The following CCDC3 variants were observed in gnomAD, a reference collection of about 807,000 sequenced individuals.
The protein encoded by CCDC3 is coiled-coil domain containing 3, also known as coiled-coil domain-containing protein 3.
A neutral mutation model predicts 21.4 loss-of-function variants in CCDC3; 24 were observed. The observed-to-expected ratio is 1.12, with a 90% CI of 0.81 to 1.58. The LOEUF (loss-of-function observed/expected upper bound fraction) is 1.58. Among genes scored for constraint, CCDC3 ranks in the 40% most tolerant of loss-of-function variants. CCDC3 has a pLI of 0.00. For synonymous variants in CCDC3, 186 were observed against 166.0 expected (o/e 1.12, Z -0.93); for missense variants, 425 against 360.9 (o/e 1.18, Z -1.44).
chr10:13,042,827 C>T (rs1435644600), intron 5 of CCDC3, among the ~76,000 whole-genome samples: 12 of 147,520 alleles, frequency 8.1e-5, no homozygotes, highest in Non-Finnish European at 1.0e-4. Flanking sequence ...GAGAATGGCG[C>T]GAACCTGGGA....
chr10:13,025,336 G>A (rs1021078175), intron 5 of CCDC3, among the ~76,000 whole-genome samples: 1 of 152,170 alleles, frequency 6.6e-6, no homozygotes, highest in African/African-American at 2.4e-5. Context: ...TAAAGTGCAG[G>A]GACCTATCAA....
intron 5 of CCDC3, among the ~76,000 whole-genome samples, chr10:13,048,339 G>C (rs565173): frequency 2.0e-5 from 3 of 151,738 alleles, no homozygotes; most frequent in East Asian, 1.9e-4. Flanking sequence ...CTACAGGTGC[G>C]CACCACCACA....
intron 2 of CCDC3, among the ~76,000 whole-genome samples, chr10:12,978,341 G>A (rs892685922): frequency 2.6e-5 from 4 of 152,206 alleles, no homozygotes; most frequent in African/African-American, 4.8e-5. Flanking sequence ...CTCTTGAAGC[G>A]CCTGTTCCAA....
chr10:12,957,550 C>T (rs1370428836), intron 2 of CCDC3, among the ~76,000 whole-genome samples: 4 of 152,288 alleles, frequency 2.6e-5, no homozygotes, highest in Non-Finnish European at 5.9e-5. Context: ...GAGGTGAGAG[C>T]GGATGGGAGG....
At chr10:12,921,428 C>G (rs1293684910) in intron 2 of CCDC3, among the ~76,000 whole-genome samples, 1 of 152,172 alleles carries the variant, frequency 6.6e-6, no homozygotes, top group African/African-American at 2.4e-5. Context: ...ACCCCCTCCC[C>G]GACTCGTCCC....
At chr10:13,005,868 T>C (rs558648309), upstream of CCDC3, among the ~76,000 whole-genome samples, 3 of 152,344 alleles carry the variant, frequency 2.0e-5, no homozygotes, top group South Asian at 6.2e-4. Context: ...AAATGTGGCA[T>C]ATGTTCCCTC....
intron 2 of CCDC3, among the ~76,000 whole-genome samples, chr10:12,952,852 T>C (rs941429974): frequency 6.6e-6 from 1 of 152,190 alleles, no homozygotes; most frequent in African/African-American, 2.4e-5. Flanking sequence ...GTTACCACTG[T>C]ACCATGTGCA....
upstream of CCDC3, among the ~76,000 whole-genome samples, chr10:13,002,155 T>G (rs1318499977): frequency 6.6e-6 from 1 of 152,218 alleles, no homozygotes; most frequent in Non-Finnish European, 1.5e-5. Flanking sequence ...TCAGATTTGC[T>G]AGTTATTTAA....
Position 12,898,787 on chromosome 10 carries a change from G to C in CCDC3, c.550-108C>G, listed in dbSNP as rs912620071. 5 of 1,305,228 alleles carry C rather than the reference G, an allele frequency of 3.8e-6. No individual in the cohort carries two copies. The African/African-American group carries it at 7.4e-5, about 19-fold the overall frequency. 80.9% of individuals were successfully genotyped at this position (1,305,228 alleles called of 1,614,324 possible). A position where few individuals can be genotyped will look rare whatever the true frequency, so the allele number is the denominator to read the frequency against. On this transcript the variant is annotated intron_variant, in intron 2 of 2. Coordinates refer to ENST00000378825, the MANE Select transcript of CCDC3 (RefSeq NM_031455.4). ...GAGTGCTGACAGCAACACAGACCCC[G>C]ATTCCCCACCCCAGCATGGGCATAA...
chr10:12,908,606 A>ATTTT (rs1474019210), intron 2 of CCDC3, among the ~76,000 whole-genome samples: 2 of 121,818 alleles, frequency 1.6e-5, no homozygotes, highest in African/African-American at 3.5e-5. Context: ...AAGAACTGTG[A>ATTTT]TTTTTCTTTT....
chr10:12,926,138 A>G (rs953867421), intron 2 of CCDC3, among the ~76,000 whole-genome samples: 1 of 152,240 alleles, frequency 6.6e-6, no homozygotes, highest in Non-Finnish European at 1.5e-5. Context: ...AAACAAGTGG[A>G]TAGTCAGGAG....
At chr10:12,990,500 A>G (rs922950161) in intron 2 of CCDC3, among the ~76,000 whole-genome samples, 3 of 152,188 alleles carry the variant, frequency 2.0e-5, no homozygotes, top group African/African-American at 4.8e-5. Flanking sequence ...ATTTATTCAG[A>G]TTTGGGTATT....
At chr10:13,015,898 C>G (rs1836052343) in intron 5 of CCDC3, among the ~76,000 whole-genome samples, 1 of 151,884 alleles carries the variant, frequency 6.6e-6, no homozygotes, top group Non-Finnish European at 1.5e-5. Flanking sequence ...AACAGGGTGA[C>G]TGTAGTAAAA....
intron 4 of CCDC3, among the ~76,000 whole-genome samples, chr10:13,071,430 T>G (rs1333323773): frequency 6.6e-6 from 1 of 152,196 alleles, no homozygotes; most frequent in Non-Finnish European, 1.5e-5. Flanking sequence ...CAGGTGAGCA[T>G]GACTAATTCC....
At chr10:13,007,117 A>G (rs912630446) in intron 5 of CCDC3, among the ~76,000 whole-genome samples, 2 of 152,324 alleles carry the variant, frequency 1.3e-5, no homozygotes, top group African/African-American at 2.4e-5. Flanking sequence ...TAGAAAGAGG[A>G]GAAACCACAG....
At chr10:12,965,451 ACAC>A (rs1835249352) in intron 2 of CCDC3, among the ~76,000 whole-genome samples, 1 of 152,340 alleles carries the variant, frequency 6.6e-6, no homozygotes, top group African/African-American at 2.4e-5. Flanking sequence ...TCACATATAC[ACAC>A]CACAACTAAA....
intron 5 of CCDC3, among the ~76,000 whole-genome samples, chr10:13,037,533 A>ATC (rs1031471541): frequency 6.6e-6 from 1 of 152,142 alleles, no homozygotes; most frequent in Non-Finnish European, 1.5e-5. Context: ...TAAAATTATC[A>ATC]TCTCTCTCCT....
intron 4 of CCDC3, among the ~76,000 whole-genome samples, chr10:13,063,960 G>A (rs958773218): frequency 1.1e-4 from 16 of 151,818 alleles, no homozygotes; most frequent in East Asian, 1.9e-4. Context: ...ACATTGTCTC[G>A]CTCTGTCGTC....
intron 3 of CCDC3, among the ~76,000 whole-genome samples, chr10:13,082,096 T>A (rs559191920): frequency 6.6e-6 from 1 of 152,038 alleles, no homozygotes; most frequent in Admixed American, 6.5e-5. Context: ...ATCATAGAAA[T>A]AAAGACACAA....
Sources: gnomAD v4.1 joint callset for allele counts (sites outside exome capture counted in the v4.1 genomes callset) on GRCh38, gnomAD v4.1.1 for gene constraint, MANE v1.5 for transcripts, NCBI Gene and HGNC (gene_info 2026-07-23, HGNC 2026-07-21) for gene names.